Variants in COPS8 observed in about 807,000 individuals in gnomAD.
COPS8 encodes the protein COP9 signalosome subunit 8, also known as COP9 signalosome complex subunit 8.
COPS8 carries 11 observed loss-of-function variants against 31.5 expected under a neutral mutation model. The ratio of observed to expected loss-of-function variants is 0.35; its 90% confidence interval spans 0.22 to 0.58. The LOEUF (loss-of-function observed/expected upper bound fraction) is 0.58, where lower values mean the gene tolerates loss of function less well. Among genes scored for constraint, COPS8 ranks in the 20% least tolerant of loss-of-function variants. COPS8 has a pLI of 0.83. For synonymous variants in COPS8, 81 were observed against 89.3 expected (o/e 0.91, Z 0.52); for missense variants, 215 against 255.1 (o/e 0.84, Z 1.07).
chr2:237,087,669 C>T (rs1400926903), intron 2 of COPS8: 1 of 195,388 alleles, frequency 5.1e-6, no homozygotes, highest in Non-Finnish European at 1.1e-5. Flanking sequence ...GTGGCACACG[C>T]CTGTAATCCC....
rs368732903 is a variant in COPS8 at position 237,095,917 on chromosome 2, T to C, written c.502+33T>C. On this transcript the variant is annotated intron_variant, in intron 6 of 7. Coordinates refer to ENST00000354371, the MANE Select transcript of COPS8 (RefSeq NM_006710.5). ...GAGCTTTCACCCATTTACGCAGCAC[T>C]GGACTCTTCTAAGACTGCTTCAGGT... is the stretch of plus-strand genomic sequence containing the variant. The C allele has an allele frequency of 3.4e-6, 5 of 1,481,320 alleles. No individual in the cohort carries two copies. The African/African-American group carries it at 5.6e-5, about 16-fold the overall frequency. The allele number at this position is 1,481,320 out of a possible 1,614,324, so 91.8% of individuals were successfully genotyped here.
rs188388860 is a variant in COPS8 at position 237,091,144 on chromosome 2, G to A, written c.331+1150G>A. 1.5e-4 allele frequency among the ~76,000 whole-genome samples: 23 copies of A among 152,204 alleles called. No individual in the cohort carries two copies. The East Asian group carries it at 2.5e-3, about 17-fold the overall frequency. On this transcript the variant is annotated intron_variant, in intron 4 of 7. Transcript: ENST00000354371. ...TTCAGCAAGCATTCTCTTGTGCACC[G>A]TCGGGTCCGTAGTTTTATTCCTTCC...
At chr2:237,086,885 G>A (rs1696626942) in intron 1 of COPS8, 1 of 416,460 alleles carries the variant, frequency 2.4e-6, no homozygotes, top group Admixed American at 4.4e-5. Flanking sequence ...AGCCCAAAGG[G>A]AGATAAATCA....
At chr2:237,093,904 T>C in intron 4 of COPS8, 186 bp from the exon 5 acceptor site, 1 of 1,230,072 alleles carries the variant, frequency 8.1e-7, no homozygotes, top group Non-Finnish European at 1.0e-6. Context: ...TGTATTTTTT[T>C]CCAGCAATAT....
chr2:237,097,250 G>A (rs1235372457), intron 7 of COPS8, among the ~76,000 whole-genome samples: 1 of 65,192 alleles, frequency 1.5e-5, no homozygotes, highest in Non-Finnish European at 3.2e-5. Flanking sequence ...TTTTTGGTTT[G>A]TTGACAATTT....
chr2:237,095,583 A>T (rs926329031), intron 5 of COPS8, among the ~76,000 whole-genome samples: 2 of 152,222 alleles, frequency 1.3e-5, no homozygotes, highest in Non-Finnish European at 2.9e-5. Context: ...CAGAAAACTA[A>T]CCATCTTTTA....
intron 4 of COPS8, among the ~76,000 whole-genome samples, chr2:237,091,302 G>T (rs1696702968): frequency 6.6e-6 from 1 of 152,182 alleles, no homozygotes; most frequent in Non-Finnish European, 1.5e-5. Flanking sequence ...TTCAAATTCT[G>T]ATTCTGTCAC....
At position 237,099,543 on chromosome 2, in the gene COPS8, ATTAAT is replaced by A. The variant is rs377201070; in HGVS notation, c.*1802_*1806del. ...TTTTATTATTAAAAGTATAGATTAA[ATTAAT>A]AATCATGTAACATTAGACCCCAGTA... On this transcript the variant is annotated 3_prime_UTR_variant, in exon 8 of 8. Transcript: ENST00000354371. The A allele has an allele frequency of 3.7e-3, 556 of 152,304 alleles. 4 individuals carry two copies. Among genetic ancestry groups the A allele is most frequent in the African/African-American group, 0.013 (531 of 41,576 alleles). The allele number at this position is 152,304 out of a possible 1,614,324, so 9.4% of individuals were successfully genotyped here.
At chr2:237,097,631 A>G in intron 7 of COPS8, 32 bp from the exon 8 acceptor site, 1 of 1,536,330 alleles carries the variant, frequency 6.5e-7, no homozygotes, top group Non-Finnish European at 9.0e-7. Context: ...GTGGTATGTA[A>G]CATGAAGTGT....
chr2:237,096,655 TG>T, intron 6 of COPS8, 166 bp from the exon 7 acceptor site: 2 of 657,154 alleles, frequency 3.0e-6, no homozygotes, highest in South Asian at 1.7e-5. Context: ...AGTGAGATAG[TG>T]GGGGAAGAGT....
In COPS8 at chr2:237,086,458, C is replaced by CT. The variant is rs940008093; in HGVS notation, c.78+423dup. Among the ~76,000 whole-genome samples the CT allele has an allele frequency of 4.6e-5, 7 of 152,176 alleles. No individual in the cohort carries two copies. In the South Asian group the frequency reaches 6.3e-4, roughly 14 times the overall value. On this transcript the variant is annotated intron_variant, in intron 1 of 7. Transcript: ENST00000354371. ...CCAAGAAAAATGTGACCATTGTAAC[C>CT]TTTTTTTAACTCACAAAGCCTTTCT...
In COPS8 at chr2:237,098,146, C is replaced by T. The variant is rs1696837370; in HGVS notation, c.*404C>T. 1 of 161,376 alleles carries T rather than the reference C, an allele frequency of 6.2e-6. No individual in the cohort carries two copies. The highest frequency in any genetic ancestry group is 1.4e-5 in the Non-Finnish European group (1 of 73,224). The allele number at this position is 161,376 out of a possible 1,614,324, so 10.0% of individuals were successfully genotyped here. On this transcript the variant is annotated 3_prime_UTR_variant, in exon 8 of 8. Transcript: ENST00000354371. The stretch of plus-strand genomic sequence containing the variant: ...CATTTGGACTTGAAGAAAGATTGTC[C>T]CCAGGCACAGTATCTGAATCACTGG...
At chr2:237,086,798 T>C in intron 1 of COPS8, 1 of 888,164 alleles carries the variant, frequency 1.1e-6, no homozygotes, top group Non-Finnish European at 1.4e-6. Flanking sequence ...CTTATAATAG[T>C]AAGATCATTT....
chr2:237,098,285 A>G lies in COPS8; in HGVS notation c.*543A>G, dbSNP rs967417014. On this transcript the variant is annotated 3_prime_UTR_variant, in exon 8 of 8. Coordinates refer to ENST00000354371, the MANE Select transcript of COPS8 (RefSeq NM_006710.5). ...TGAGGAACAAATAGACCATTTCCAT[A>G]CTAAACCAGTTTGTTAACTTTAGAT... The G allele has an allele frequency of 1.3e-5, 2 of 152,620 alleles. No individual in the cohort carries two copies. Among genetic ancestry groups the G allele is most frequent in the African/African-American group, 2.4e-5 (1 of 41,444 alleles). The allele number at this position is 152,620 out of a possible 1,614,324, so 9.5% of individuals were successfully genotyped here. A position where few individuals can be genotyped will look rare whatever the true frequency, so the allele number is the denominator to read the frequency against.
rs961535092 is a variant in COPS8, at chr2:237,099,369, A to G, written c.*1627A>G. The G allele has an allele frequency of 6.6e-6, 1 of 152,170 alleles. No homozygotes were observed. Among genetic ancestry groups the G allele is most frequent in the African/African-American group, 2.4e-5 (1 of 41,464 alleles). 9.4% of individuals were successfully genotyped at this position (152,170 alleles called of 1,614,324 possible). A position where few individuals can be genotyped will look rare whatever the true frequency, so the allele number is the denominator to read the frequency against. On this transcript the variant is annotated 3_prime_UTR_variant, in exon 8 of 8. Transcript: ENST00000354371. ...CTAAAGAGGAAGGAGAGGACAGTGA[A>G]CTACTACATAGAGAAAAAATAATCT...
intron 2 of COPS8, among the ~76,000 whole-genome samples, chr2:237,088,035 C>A (rs1406051312): frequency 2.0e-5 from 3 of 149,844 alleles, no homozygotes; most frequent in South Asian, 4.2e-4. Context: ...TCTTCCAAAA[C>A]CTTTCTTTTA....
intron 5 of COPS8, among the ~76,000 whole-genome samples, chr2:237,095,399 C>G (rs1696782198): frequency 6.6e-6 from 1 of 152,114 alleles, no homozygotes; most frequent in Non-Finnish European, 1.5e-5. Flanking sequence ...AAAATCATCC[C>G]TATAAAAGCA....
chr2:237,088,646 T>C lies in COPS8; in HGVS notation c.191T>C (p.Ile64Thr). 6.3e-7 allele frequency: 1 copy of C among 1,590,250 alleles called. No individual in the cohort carries two copies. Among genetic ancestry groups the C allele is most frequent in the African/African-American group, 1.3e-5 (1 of 74,370 alleles). Residue 64 changes from isoleucine to threonine, a missense_variant, in exon 3 of 8, where the codon ATA becomes ACA. By Grantham distance (89) the Ile-to-Thr change is moderately conservative. Transcript: ENST00000354371. ...CTTTGGAAAAGAATACCACCTGCTA[T>C]AAAATCTGTAAGTATCCTTTAAACC... is the stretch of plus-strand genomic sequence containing the variant. ...RYLWKRIPPA[I>T]KSANSELGGI... is the part of the protein sequence containing the mutation.
intron 7 of COPS8, among the ~76,000 whole-genome samples, chr2:237,097,409 T>G (rs1696824934): frequency 6.6e-6 from 1 of 152,138 alleles, no homozygotes; most frequent in African/African-American, 2.4e-5. Context: ...ATAGAATACT[T>G]CAGTAACAAC....
Sources: allele counts gnomAD v4.1 joint callset (sites outside exome capture counted in the v4.1 genomes callset), GRCh38; gene constraint gnomAD v4.1.1; transcripts MANE v1.5; gene names NCBI Gene and HGNC (gene_info 2026-07-23, HGNC 2026-07-21).